Variants in PDPN observed in about 807,000 individuals in gnomAD.
PDPN encodes podoplanin, also known as PA2.26 antigen.
PDPN carries 12 observed loss-of-function variants against 23.2 expected under a neutral mutation model. The observed-to-expected ratio is 0.52, with a 90% confidence interval of 0.33 to 0.84. The LOEUF (loss-of-function observed/expected upper bound fraction) is 0.84, where lower values mean the gene tolerates loss of function less well. PDPN is among the 40% of genes least tolerant of loss of function. The pLI, the probability that PDPN is intolerant of heterozygous loss-of-function variation, is 0.02. For missense variants in PDPN, 199 were observed against 212.2 expected (o/e 0.94, Z 0.39); for synonymous variants, 77 against 76.7 (o/e 1.00, Z -0.02).
At chr1:13,603,556 T>A (rs1295058901) in intron 1 of PDPN, among the ~76,000 whole-genome samples, 1 of 152,040 alleles carries the variant, frequency 6.6e-6, no homozygotes, top group African/African-American at 2.4e-5. Context: ...ATTTATCAAA[T>A]CATCTTCTCC....
chr1:13,589,279 C>T (rs1640270292), intron 1 of PDPN, among the ~76,000 whole-genome samples: 1 of 152,212 alleles, frequency 6.6e-6, no homozygotes, highest in African/African-American at 2.4e-5. Flanking sequence ...ATGCCTTGGA[C>T]AGCAAATATG....
At chr1:13,602,498 CT>C (rs1640671428) in intron 1 of PDPN, among the ~76,000 whole-genome samples, 2 of 152,310 alleles carry the variant, frequency 1.3e-5, no homozygotes, top group South Asian at 4.1e-4. Flanking sequence ...AACCAGAAGA[CT>C]GAAATCACTT....
In PDPN at chr1:13,616,492, C is replaced by T. The variant is rs1239935045; in HGVS notation, c.*581C>T. 6.5e-6 allele frequency: 1 copy of T among 154,268 alleles called. No individual in the cohort carries two copies. The highest frequency in any genetic ancestry group is 1.4e-5 in the Non-Finnish European group (1 of 69,336). The allele number at this position is 154,268 out of a possible 1,614,324, so 9.6% of individuals were successfully genotyped here. A position where few individuals can be genotyped will look rare whatever the true frequency, so the allele number is the denominator to read the frequency against. Reference sequence around the variant, plus strand: ...ACACGTGGTGAACAACTGCCTTTAGCTGGTCCAGATTAATCATTTCAAAGA... The same window carrying T: ...ACACGTGGTGAACAACTGCCTTTAGTTGGTCCAGATTAATCATTTCAAAGA... On this transcript the variant is annotated 3_prime_UTR_variant, in exon 6 of 6. Coordinates refer to ENST00000621990, the MANE Select transcript of PDPN (RefSeq NM_006474.5).
At position 13,583,964 on chromosome 1, in the gene PDPN, C is replaced by T; in HGVS notation, c.-70C>T. Reference sequence around the variant, plus strand: ...CCAGGCTGGGCCTGTGGCCGCGGTGCTTTTTAATTTTCCCCCAGCTCAGAA... The same window carrying T: ...CCAGGCTGGGCCTGTGGCCGCGGTGTTTTTTAATTTTCCCCCAGCTCAGAA... On this transcript the variant is annotated 5_prime_UTR_variant, in exon 1 of 6. Transcript: ENST00000621990. 1.2e-6 allele frequency: 2 copies of T among 1,613,770 alleles called. No individual in the cohort carries two copies. Among genetic ancestry groups the T allele is most frequent in the Middle Eastern group, 3.3e-4 (2 of 6,062 alleles).
chr1:13,583,852 G>T lies in PDPN; in HGVS notation c.-182G>T. On this transcript the variant is annotated 5_prime_UTR_variant, in exon 1 of 6. Transcript: ENST00000621990. ...TTCTCAACTGCAAAGTTTGCTGTCCGGCTGCCTAGGGTCTGGGAAGCTCGG... is the reference window on the plus strand; with the variant it reads ...TTCTCAACTGCAAAGTTTGCTGTCCTGCTGCCTAGGGTCTGGGAAGCTCGG... 1 of 1,584,894 alleles carries T rather than the reference G, an allele frequency of 6.3e-7. No individual in the cohort carries two copies. Among genetic ancestry groups the T allele is most frequent in the Non-Finnish European group, 8.6e-7 (1 of 1,166,736 alleles).
chr1:13,607,545 G>C (rs757148882), intron 2 of PDPN, among the ~76,000 whole-genome samples: 1 of 152,164 alleles, frequency 6.6e-6, no homozygotes, highest in Non-Finnish European at 1.5e-5. Context: ...CCAACATTAT[G>C]TGAGGACCTG....
Position 13,613,852 on chromosome 1 carries a change from C to G in PDPN, c.370+127C>G, listed in dbSNP as rs542770867. ...CAATGAGAGCAGAATAGAAAACATT[C>G]CGAGAACAGATTTCAAGCTTTTTTT... is the stretch of plus-strand genomic sequence containing the variant. On this transcript the variant is annotated intron_variant, in intron 4 of 5. Coordinates refer to ENST00000621990, the MANE Select transcript of PDPN (RefSeq NM_006474.5). The G allele has an allele frequency of 6.3e-4, 289 of 461,062 alleles. 1 individual carries two copies. Among genetic ancestry groups the G allele is most frequent in the Non-Finnish European group, 8.5e-4 (214 of 250,570 alleles). The allele number at this position is 461,062 out of a possible 1,614,324, so 28.6% of individuals were successfully genotyped here.
At chr1:13,584,134 C>T (rs1473113321) in intron 1 of PDPN, 34 bp downstream of exon 1, 2 of 1,606,712 alleles carry the variant, frequency 1.2e-6, no homozygotes, top group East Asian at 4.5e-5. Context: ...CCTGCCGTCG[C>T]TGATGGGGAC....
In PDPN at chr1:13,614,374, A is replaced by G. The variant is rs1641013841; in HGVS notation, c.445A>G (p.Ile149Val). The change falls in exon 5 of 6, where the codon ATC becomes GTC. Residue 149 changes from isoleucine to valine, a missense_variant. Transcript: ENST00000621990. Reference sequence around the variant, plus strand: ...AGCCATCGGCTTCATTGGTGCAATCATCGTTGTGGTTATGCGAAAAATGTC... The same window carrying G: ...AGCCATCGGCTTCATTGGTGCAATCGTCGTTGTGGTTATGCGAAAAATGTC... Reference protein sequence around the residue: ...LLAIGFIGAIIVVVMRKMSGR... With the variant: ...LLAIGFIGAIVVVVMRKMSGR... 1 of 1,603,700 alleles carries G rather than the reference A, an allele frequency of 6.2e-7. No individual in the cohort carries two copies. The highest frequency in any genetic ancestry group is 8.5e-7 in the Non-Finnish European group (1 of 1,170,526).
At position 13,610,492 on chromosome 1, in the gene PDPN, A is replaced by G; in HGVS notation, c.307A>G (p.Asn103Asp). 2 of 1,613,888 alleles carry G rather than the reference A, an allele frequency of 1.2e-6. No individual in the cohort carries two copies. Among genetic ancestry groups the G allele is most frequent in the South Asian group, 1.1e-5 (1 of 91,056 alleles). Residue 103 changes from asparagine to aspartate, a missense_variant, in exon 3 of 6, where the codon AAC (asparagine) becomes GAC (aspartate). Coordinates refer to ENST00000621990, the MANE Select transcript of PDPN (RefSeq NM_006474.5). ...QEQSPSATAS[N>D]VATSHSTEKV... The stretch of plus-strand genomic sequence containing the variant: ...ACAAAGTCCAAGCGCCACAGCCTCA[A>G]ACGTGGCCACCAGTCACTCCACGGG...
At chr1:13,585,726 T>A in intron 1 of PDPN, 1 of 1,098,908 alleles carries the variant, frequency 9.1e-7, no homozygotes, top group Non-Finnish European at 1.3e-6. Context: ...TATGCGGGGC[T>A]GGCTGAGTGA....
At chr1:13,592,862 C>G (rs173312) in intron 1 of PDPN, among the ~76,000 whole-genome samples, 26,851 of 152,072 alleles carry the variant, frequency 0.18, 2,467 homozygotes, top group South Asian at 0.27. Flanking sequence ...AAAGATGATT[C>G]TTTCTTCGCT....
chr1:13,596,600 G>C (rs1640503991), intron 1 of PDPN, among the ~76,000 whole-genome samples: 1 of 152,200 alleles, frequency 6.6e-6, no homozygotes, highest in Non-Finnish European at 1.5e-5. Flanking sequence ...TCGTGTAAAG[G>C]AGCTTTGGGA....
Position 13,584,072 on chromosome 1 carries a change from C to T in PDPN, c.39C>T (p.Ser13=). The stretch of plus-strand genomic sequence containing the variant: ...CAGCTCTGCTCTTCGTTTTGGGAAG[C>T]GCGTCGCTCTGGGTCCTGGCAGAAG... ...KVSALLFVLG[S]ASLWVLAEGA... Residue 13 remains serine (S), a synonymous_variant, in exon 1 of 6, where the codon AGC becomes AGT. Transcript: ENST00000621990. 2 of 1,613,102 alleles carry T rather than the reference C, an allele frequency of 1.2e-6. No individual in the cohort carries two copies. Among genetic ancestry groups the T allele is most frequent in the African/African-American group, 1.3e-5 (1 of 75,064 alleles).
chr1:13,614,460 G>T, intron 5 of PDPN, 49 bp downstream of exon 5: 1 of 943,638 alleles, frequency 1.1e-6, no homozygotes, highest in Non-Finnish European at 1.7e-6. Flanking sequence ...AAGCCATCGT[G>T]TCTAGAACTC....
chr1:13,593,461 G>A (rs2100220159), intron 1 of PDPN, among the ~76,000 whole-genome samples: 1 of 152,282 alleles, frequency 6.6e-6, no homozygotes, highest in East Asian at 1.9e-4. Context: ...GGGAAGAACA[G>A]AAGAGATCCT....
intron 5 of PDPN, chr1:13,614,803 G>A (rs1394692910): frequency 1.9e-6 from 1 of 515,704 alleles, no homozygotes; most frequent in South Asian, 1.4e-5. Context: ...ATAAGAAAGA[G>A]CCTCTTCATC....
intron 1 of PDPN, among the ~76,000 whole-genome samples, chr1:13,599,844 TG>T (rs1326070523): frequency 6.6e-6 from 1 of 152,160 alleles, no homozygotes; most frequent in Non-Finnish European, 1.5e-5. Flanking sequence ...TGCTGGGAGC[TG>T]GGGCTGTAGA....
chr1:13,595,105 C>T (rs1392512836), intron 1 of PDPN, among the ~76,000 whole-genome samples: 4 of 152,038 alleles, frequency 2.6e-5, no homozygotes, highest in African/African-American at 7.2e-5. Flanking sequence ...TAAAACACCT[C>T]GTGGATTGTC....
Sources: allele counts gnomAD v4.1 joint callset (sites outside exome capture counted in the v4.1 genomes callset), GRCh38; gene constraint gnomAD v4.1.1; transcripts MANE v1.5; gene names NCBI Gene and HGNC (gene_info 2026-07-23, HGNC 2026-07-21).